The following CC2D1B variants were observed in gnomAD, a reference collection of about 807,000 sequenced individuals.
The protein encoded by CC2D1B is coiled-coil and C2 domain-containing protein 1B.
CC2D1B carries 92 observed loss-of-function variants against 110.8 expected under a neutral mutation model. That is an observed-to-expected ratio of 0.83 (90% CI 0.70 to 0.99). The LOEUF is 0.99. CC2D1B is among the 50% of genes least tolerant of loss of function. CC2D1B has a pLI of 0.00. For synonymous variants in CC2D1B, 406 were observed against 429.2 expected (o/e 0.95, Z 0.67); for missense variants, 1,136 against 1,089.0 (o/e 1.04, Z -0.61).
chr1:52,362,792 AG>A, intron 2 of CC2D1B, 46 bp from the exon 3 acceptor site: 2 of 1,604,262 alleles, frequency 1.2e-6, no homozygotes, highest in South Asian at 2.2e-5. Context: ...CAAGCAGGGT[AG>A]GGTCCAGCTC....
intron 5 of CC2D1B, 165 bp downstream of exon 5, chr1:52,360,809 C>CT: frequency 2.1e-6 from 2 of 974,606 alleles, no homozygotes; most frequent in Non-Finnish European, 3.0e-6. Flanking sequence ...TTGAGGCTGG[C>CT]TGCCACGGAG....
At position 52,366,164 on chromosome 1, in the gene CC2D1B, G is replaced by C. The variant is rs1646876725; in HGVS notation, c.-110C>G. 1 of 152,274 alleles carries C rather than the reference G, an allele frequency of 6.6e-6. No individual in the cohort carries two copies. The highest frequency in any genetic ancestry group is 2.4e-5 in the African/African-American group (1 of 41,448). The allele number at this position is 152,274 out of a possible 1,614,324, so 9.4% of individuals were successfully genotyped here. ...GGCCGCAGCGGTAGCGACAGGAAGCGCCAGCAGGGGAGGTGGCTCGCGCGC... is the reference window on the plus strand; with the variant it reads ...GGCCGCAGCGGTAGCGACAGGAAGCCCCAGCAGGGGAGGTGGCTCGCGCGC... On this transcript the variant is annotated 5_prime_UTR_variant, in exon 1 of 25. Transcript: ENST00000284376.
intron 3 of CC2D1B, 88 bp from the exon 4 acceptor site, chr1:52,361,704 G>A: frequency 6.6e-7 from 1 of 1,513,538 alleles, no homozygotes; most frequent in Non-Finnish European, 9.1e-7. Flanking sequence ...CACCCAGGCA[G>A]AAATCCCTCT....
rs1364772962 is a variant in CC2D1B at position 52,359,313 on chromosome 1, C to T, written c.1063G>A (p.Val355Ile). 6.2e-7 allele frequency: 1 copy of T among 1,613,424 alleles called. No homozygotes were observed. Among genetic ancestry groups the T allele is most frequent in the Admixed American group, 1.7e-5 (1 of 59,928 alleles). ...ACTCGCTCCACGGCTGGGGGAATGA[C>T]TGAGGGTGCTGTGGGAGCCTGAGAA... ...QASQAPTAPS[V>I]IPPAVERVQP... Residue 355 changes from valine (V) to isoleucine (I), a missense_variant, in exon 10 of 25, where the codon GTC (valine) becomes ATC (isoleucine). Val to Ile is a conservative substitution (Grantham distance 29). Coordinates refer to ENST00000284376, the MANE Select transcript of CC2D1B (RefSeq NM_001330585.2).
chr1:52,357,314 T>C (rs1053312213), intron 15 of CC2D1B, 188 bp from the exon 16 acceptor site: 8 of 915,810 alleles, frequency 8.7e-6, no homozygotes, highest in Admixed American at 5.6e-5. Flanking sequence ...AGCCTTGTCA[T>C]CTCTGACCAC....
In CC2D1B at chr1:52,357,133, A is replaced by C; in HGVS notation, c.1753-7T>G. The C allele has an allele frequency of 6.2e-7, 1 of 1,613,814 alleles. No individual in the cohort carries two copies. Among genetic ancestry groups the C allele is most frequent in the Non-Finnish European group, 8.5e-7 (1 of 1,179,898 alleles). Reference sequence around the variant, plus strand: ...CCGTCAAGGGCGAAGGCACCTACCCAGGTCACAAGGCCCCTCGGGCCCCAA... The same window carrying C: ...CCGTCAAGGGCGAAGGCACCTACCCCGGTCACAAGGCCCCTCGGGCCCCAA... On this transcript the variant is annotated splice_region_variant and splice_polypyrimidine_tract_variant and intron_variant, in intron 15 of 24. Transcript: ENST00000284376.
chr1:52,354,943 G>A lies in CC2D1B; in HGVS notation c.2240-4C>T. On this transcript the variant is annotated splice_region_variant and splice_polypyrimidine_tract_variant and intron_variant, in intron 21 of 24. Coordinates refer to ENST00000284376, the MANE Select transcript of CC2D1B (RefSeq NM_001330585.2). Reference sequence around the variant, plus strand: ...AGTTTGAAGAGTTGATCAAATTCTGGCAAAGGGGGAGAAAGCAAGGAGGGG... The same window carrying A: ...AGTTTGAAGAGTTGATCAAATTCTGACAAAGGGGGAGAAAGCAAGGAGGGG... 1 of 1,612,354 alleles carries A rather than the reference G, an allele frequency of 6.2e-7. No individual in the cohort carries two copies. Among genetic ancestry groups the A allele is most frequent in the East Asian group, 2.2e-5 (1 of 44,844 alleles).
intron 23 of CC2D1B, 86 bp downstream of exon 23, chr1:52,354,522 G>T: frequency 1.8e-6 from 2 of 1,119,858 alleles, no homozygotes; most frequent in Non-Finnish European, 2.7e-6. Context: ...TAATGAGCAC[G>T]AAAACCTACA....
chr1:52,365,821 G>A (rs909505590), intron 1 of CC2D1B, among the ~76,000 whole-genome samples: 2 of 152,314 alleles, frequency 1.3e-5, no homozygotes, highest in Admixed American at 1.3e-4. Context: ...CGCTCCGGGG[G>A]ACTCTGAGTG....
intron 7 of CC2D1B, 43 bp downstream of exon 7, chr1:52,360,031 A>C (rs771530123): frequency 2.6e-5 from 41 of 1,552,256 alleles, no homozygotes; most frequent in Non-Finnish European, 3.6e-5. Context: ...GCTGTGGGCT[A>C]TGACCCCAGG....
chr1:52,360,772 G>A, intron 5 of CC2D1B: 1 of 881,692 alleles, frequency 1.1e-6, no homozygotes, highest in African/African-American at 1.7e-5. Context: ...GGCTCCCGGG[G>A]GGTAGTCTAG....
intron 23 of CC2D1B, chr1:52,354,250 A>C: frequency 2.4e-6 from 1 of 424,574 alleles, no homozygotes; most frequent in Non-Finnish European, 4.5e-6. Flanking sequence ...ATAGGTTATC[A>C]GTAAGGAGCT....
chr1:52,362,800 G>GCTGGAGCT, intron 2 of CC2D1B, 54 bp from the exon 3 acceptor site: 1 of 1,587,514 alleles, frequency 6.3e-7, no homozygotes, highest in Non-Finnish European at 8.6e-7. Flanking sequence ...GTAGGGTCCA[G>GCTGGAGCT]CTCCAGAGCC....
At chr1:52,356,952 G>C in intron 16 of CC2D1B, 49 bp downstream of exon 16, 1 of 1,524,332 alleles carries the variant, frequency 6.6e-7, no homozygotes, top group Non-Finnish European at 8.8e-7. Flanking sequence ...CTTCCTCCAC[G>C]GGGAGGCTGT....
At chr1:52,353,416 C>CATAG in intron 24 of CC2D1B, 102 bp downstream of exon 24, 1 of 1,523,442 alleles carries the variant, frequency 6.6e-7, no homozygotes, top group Non-Finnish European at 8.8e-7. Context: ...AGGTCTTTCT[C>CATAG]ATAGATGAGA....
At position 52,357,669 on chromosome 1, in the gene CC2D1B, G is replaced by A. The variant is rs1014701743; in HGVS notation, c.1609C>T (p.Arg537Trp). The change falls in exon 15 of 25, where the codon CGG (arginine) becomes TGG (tryptophan). Residue 537 changes from arginine to tryptophan, a missense_variant. By Grantham distance (101) the Arg-to-Trp change is moderately radical. Coordinates refer to ENST00000284376, the MANE Select transcript of CC2D1B (RefSeq NM_001330585.2). ...VREQLALLEA[R>W]KLQYQRAALQ... ...GCTGCCCGCTGATACTGCAGTTTCC[G>A]TGCCTCCAGCAGTGCCAGCTGCTCC... 3.1e-6 allele frequency: 5 copies of A among 1,603,112 alleles called. No individual in the cohort carries two copies. Among genetic ancestry groups the A allele is most frequent in the African/African-American group, 2.7e-5 (2 of 74,804 alleles).
intron 5 of CC2D1B, 143 bp from the exon 6 acceptor site, chr1:52,360,692 G>A: frequency 7.8e-7 from 1 of 1,286,498 alleles, no homozygotes; most frequent in Non-Finnish European, 1.1e-6. Context: ...AGGAAGCAAA[G>A]GCTCACTGGA....
intron 4 of CC2D1B, 145 bp downstream of exon 4, chr1:52,361,368 G>T: frequency 7.0e-7 from 1 of 1,422,164 alleles, no homozygotes; most frequent in Non-Finnish European, 9.5e-7. Flanking sequence ...AAAGAGACAC[G>T]CCACCCACTG....
chr1:52,357,847 C>T lies in CC2D1B; in HGVS notation c.1513G>A (p.Val505Ile), dbSNP rs747092078. ...TCAGGCAGGCGCTGGGATGAAGGGA[C>T]TGTGGGCCGTGCAGGTTTCTTGGCC... ...PVAKKPARPT[V>I]PSSQRLPEPR... The change falls in exon 14 of 25, where the codon GTC becomes ATC. Residue 505 changes from valine (V) to isoleucine (I), a missense_variant. Val to Ile is a conservative substitution (Grantham distance 29). Transcript: ENST00000284376. The T allele has an allele frequency of 2.5e-5, 39 of 1,590,600 alleles. No individual in the cohort carries two copies. The highest frequency in any genetic ancestry group is 3.3e-5 in the Non-Finnish European group (39 of 1,169,932).
Sources: allele counts gnomAD v4.1 joint callset (sites outside exome capture counted in the v4.1 genomes callset), GRCh38; gene constraint gnomAD v4.1.1; transcripts MANE v1.5; gene names NCBI Gene and HGNC (gene_info 2026-07-23, HGNC 2026-07-21).